Variants in CEP295 observed in about 807,000 individuals in gnomAD.
The protein encoded by CEP295 is centrosomal protein of 295 kDa.
In CEP295, 190 loss-of-function variants were observed where a neutral mutation model predicts 291.6. That is an observed-to-expected ratio of 0.65 (90% CI 0.58 to 0.73). The LOEUF (loss-of-function observed/expected upper bound fraction) is 0.73. Among genes scored for constraint, CEP295 ranks in the 30% least tolerant of loss-of-function variants. The pLI is 0.00. For missense variants in CEP295, 2,863 were observed against 2,949.4 expected (o/e 0.97, Z 0.68); for synonymous variants, 993 against 1,038.8 (o/e 0.96, Z 0.85).
chr11:93,699,486 T>C lies in CEP295; in HGVS notation c.4574T>C (p.Val1525Ala), dbSNP rs1428622352. 8.4e-6 allele frequency: 13 copies of C among 1,551,744 alleles called. No individual in the cohort carries two copies. In the Admixed American group the frequency reaches 2.4e-4, roughly 28 times the overall value. The change falls in exon 15 of 30, where the codon GTC becomes GCC. Residue 1525 changes from valine (V) to alanine (A), a missense_variant. Transcript: ENST00000325212. Reference sequence around the variant, plus strand: ...AAAGCCATTCGATCTATACAGGAAGTCCAAGAAGAATTGCTTTTGCAAAGA... The same window carrying C: ...AAAGCCATTCGATCTATACAGGAAGCCCAAGAAGAATTGCTTTTGCAAAGA... The part of the protein sequence containing the change: ...QKKAIRSIQE[V>A]QEELLLQRLS...
chr11:93,664,415 G>A lies in CEP295; in HGVS notation c.-26-2267G>A, dbSNP rs76384597. The stretch of plus-strand genomic sequence containing the variant: ...AAAGTCCTTTAACCCAAGAGGCCTT[G>A]TTTCTTCATGTATAGCATGAAAAAT... On this transcript the variant is annotated intron_variant, in intron 1 of 29. Transcript: ENST00000325212. 1.2e-3 allele frequency among the ~76,000 whole-genome samples: 184 copies of A among 152,324 alleles called. 1 individual carries two copies. The highest frequency in any genetic ancestry group is 4.3e-3 in the African/African-American group (179 of 41,582).
At chr11:93,685,846 G>A (rs1951206387) in intron 9 of CEP295, among the ~76,000 whole-genome samples, 1 of 151,886 alleles carries the variant, frequency 6.6e-6, no homozygotes, top group South Asian at 2.1e-4. Context: ...AAGTAGCTGG[G>A]ACTACAGCCA....
intron 18 of CEP295, among the ~76,000 whole-genome samples, chr11:93,712,856 TTTGTTGTTGTTGTTG>T (rs56969423): frequency 2.0e-5 from 3 of 148,762 alleles, no homozygotes; most frequent in Non-Finnish European, 4.5e-5. Context: ...TTTCTTCTGT[TTTGTTGTTGTTGTTG>T]TTGTTGTTGT....
chr11:93,702,116 G>A (rs1952204769), intron 15 of CEP295, among the ~76,000 whole-genome samples: 2 of 151,828 alleles, frequency 1.3e-5, no homozygotes, highest in African/African-American at 2.4e-5. Context: ...GCACAATCAC[G>A]CCCAGCCAAT....
chr11:93,698,726 C>G lies in CEP295; in HGVS notation c.3814C>G (p.His1272Asp). Residue 1272 changes from histidine (H) to aspartate (D), a missense_variant, in exon 15 of 30, where the codon CAT becomes GAT. Coordinates refer to ENST00000325212, the MANE Select transcript of CEP295 (RefSeq NM_033395.2). ...GCTAGACACTGAGAAAGAAGCCTTT[C>G]ATTTCAGCCAGAAAACCCAAGAAAA... is the stretch of plus-strand genomic sequence containing the variant. ...AWLDTEKEAF[H>D]FSQKTQENTS... 7 of 1,551,604 alleles carry G rather than the reference C, an allele frequency of 4.5e-6. No individual in the cohort carries two copies. The highest frequency in any genetic ancestry group is 6.1e-6 in the Non-Finnish European group (7 of 1,147,020).
rs1389487114 is a variant in CEP295 at position 93,706,980 on chromosome 11, GA to G, written c.5749+88del. On this transcript the variant is annotated intron_variant, in intron 18 of 29. Coordinates refer to ENST00000325212, the MANE Select transcript of CEP295 (RefSeq NM_033395.2). The stretch of plus-strand genomic sequence containing the variant: ...TTATTATTTTGTTATTTGTAATGGT[GA>G]AAAATGGTAAATAAACTTAGTTACT... 34 of 1,208,208 alleles carry G rather than the reference GA, an allele frequency of 2.8e-5. No individual in the cohort carries two copies. In the African/African-American group the frequency reaches 3.5e-4, roughly 13 times the overall value. 74.8% of individuals were successfully genotyped at this position (1,208,208 alleles called of 1,614,324 possible).
At position 93,729,932 on chromosome 11, in the gene CEP295, A is replaced by G. The variant is rs754557230; in HGVS notation, c.7630A>G (p.Lys2544Glu). 6 of 1,549,666 alleles carry G rather than the reference A, an allele frequency of 3.9e-6. No homozygotes were observed. The highest frequency in any genetic ancestry group is 5.2e-6 in the Non-Finnish European group (6 of 1,146,558). ...CAGAGCATCTTTTCCTGAAGACAGA[A>G]AGACTACACAGGCTCTAAGGCACCA... is the stretch of plus-strand genomic sequence containing the variant. ...KVRASFPEDR[K>E]TTQALRHQRG... is the part of the protein sequence containing the mutation. Residue 2544 changes from lysine to glutamate, a missense_variant, in exon 28 of 30, where the codon AAG (lysine) becomes GAG (glutamate). Around this residue, in one of 3 missense-constraint regions of CEP295, gnomAD observed 2,295 missense variants for 2,335.7 expected, o/e 0.98. Coordinates refer to ENST00000325212, the MANE Select transcript of CEP295 (RefSeq NM_033395.2).
intron 1 of CEP295, among the ~76,000 whole-genome samples, chr11:93,664,172 C>G (rs1378302791): frequency 1.3e-5 from 2 of 152,072 alleles, no homozygotes; most frequent in East Asian, 3.8e-4. Context: ...CTTAGACCTT[C>G]AGACAAAATA....
rs1951885636 is a variant in CEP295, at chr11:93,697,180, G to A, written c.2268G>A (p.Gly756=). 2 of 1,551,722 alleles carry A rather than the reference G, an allele frequency of 1.3e-6. No individual in the cohort carries two copies. Among genetic ancestry groups the A allele is most frequent in the African/African-American group, 1.4e-5 (1 of 73,116 alleles). The stretch of plus-strand genomic sequence containing the variant: ...CTAGAAAAATATCTGAAACATTTGG[G>A]GCAACAACTTTTCAAAGTTTAGAAT... ...QDARKISETF[G]ATTFQSLESQ... is the part of the protein sequence containing the mutation. Residue 756 remains glycine, a synonymous_variant, in exon 15 of 30, where the codon GGG becomes GGA. Coordinates refer to ENST00000325212, the MANE Select transcript of CEP295 (RefSeq NM_033395.2).
chr11:93,668,744 T>C (rs1950300237), intron 3 of CEP295, 64 bp from the exon 4 acceptor site: 5 of 1,167,064 alleles, frequency 4.3e-6, no homozygotes, highest in Non-Finnish European at 6.0e-6. Flanking sequence ...ACTTCTGATA[T>C]CATATGAGAC....
At chr11:93,727,782 C>T (rs1591173408) in intron 24 of CEP295, 145 bp downstream of exon 24, 2 of 663,724 alleles carry the variant, frequency 3.0e-6, no homozygotes, top group East Asian at 2.8e-5. Context: ...CCTGCCTCAA[C>T]TTCCGAAGTA....
intron 18 of CEP295, among the ~76,000 whole-genome samples, chr11:93,711,478 TCA>T (rs969677681): frequency 6.6e-6 from 1 of 150,590 alleles, no homozygotes; most frequent in Non-Finnish European, 1.5e-5. Context: ...TGTTATTATT[TCA>T]GTTTTGTTTT....
Position 93,729,885 on chromosome 11 carries a change from G to A in CEP295, c.7583G>A (p.Arg2528His), listed in dbSNP as rs1017332956. 25 of 1,548,438 alleles carry A rather than the reference G, an allele frequency of 1.6e-5. No individual in the cohort carries two copies. Among genetic ancestry groups the A allele is most frequent in the Middle Eastern group, 3.3e-4 (2 of 5,988 alleles). ...EKPSISSSVS[R>H]LKGVNKVRAS... ...CTTTCCTCAGGTTCATCTGTGAGTC[G>A]TCTAAAGGGCGTGAATAAAGTCAGA... The change falls in exon 28 of 30, where the codon CGT becomes CAT. Residue 2528 changes from arginine (R) to histidine (H), a missense_variant. Around this residue, in one of 3 missense-constraint regions of CEP295, gnomAD observed 2,295 missense variants for 2,335.7 expected, o/e 0.98. Transcript: ENST00000325212.
In CEP295 at chr11:93,721,284, A is replaced by G. The variant is rs573523266; in HGVS notation, c.5750-28A>G. On this transcript the variant is annotated intron_variant, in intron 18 of 29. Coordinates refer to ENST00000325212, the MANE Select transcript of CEP295 (RefSeq NM_033395.2). ...CTTATCCCAACTATATTTTTCTCCCATCTTGAACTCCAAAATCCATTTTTC... is the reference window on the plus strand; with the variant it reads ...CTTATCCCAACTATATTTTTCTCCCGTCTTGAACTCCAAAATCCATTTTTC... 1.0e-5 allele frequency: 14 copies of G among 1,359,346 alleles called. No homozygotes were observed. The East Asian group carries it at 2.0e-4, about 19-fold the overall frequency. The allele number at this position is 1,359,346 out of a possible 1,614,324, so 84.2% of individuals were successfully genotyped here. A position where few individuals can be genotyped will look rare whatever the true frequency, so the allele number is the denominator to read the frequency against.
At chr11:93,690,194 G>A (rs1315136562) in intron 10 of CEP295, among the ~76,000 whole-genome samples, 1 of 152,202 alleles carries the variant, frequency 6.6e-6, no homozygotes, top group Non-Finnish European at 1.5e-5. Flanking sequence ...GGCAGATGAC[G>A]AGGTCAGGAG....
intron 9 of CEP295, among the ~76,000 whole-genome samples, chr11:93,685,630 C>G (rs532028348): frequency 1.3e-5 from 2 of 152,364 alleles, no homozygotes; most frequent in South Asian, 4.1e-4. Flanking sequence ...GCCTTCCCTC[C>G]AAGCTTTCCA....
At chr11:93,690,847 T>G (rs1951505972) in intron 10 of CEP295, among the ~76,000 whole-genome samples, 1 of 152,134 alleles carries the variant, frequency 6.6e-6, no homozygotes, top group Non-Finnish European at 1.5e-5. Context: ...ATCTCTCAGT[T>G]TCTTGAATGG....
At chr11:93,722,091 G>A in intron 20 of CEP295, 41 bp downstream of exon 20, 1 of 1,209,412 alleles carries the variant, frequency 8.3e-7, no homozygotes, top group South Asian at 1.3e-5. Flanking sequence ...TGAAAGACCG[G>A]CACCAGTTGA....
chr11:93,669,632 T>A (rs1225362785), intron 4 of CEP295, 45 bp from the exon 5 acceptor site: 1 of 1,253,786 alleles, frequency 8.0e-7, no homozygotes, highest in East Asian at 2.5e-5. Context: ...TGTACTATAA[T>A]ATTATCACTG....
Sources: gnomAD v4.1 joint callset for allele counts (sites outside exome capture counted in the v4.1 genomes callset) on GRCh38, gnomAD v4.1.1 for gene constraint, gnomAD v4.1.1 regional missense constraint, MANE v1.5 for transcripts, NCBI Gene and HGNC (gene_info 2026-07-23, HGNC 2026-07-21) for gene names.